BANK1: variants seen among roughly 807,000 people sequenced by gnomAD.
BANK1 encodes the protein B-cell scaffold protein with ankyrin repeats.
Under a neutral mutation model 94.5 loss-of-function variants are expected in BANK1, and 95 were observed. The observed-to-expected ratio is 1.00, with a 90% confidence interval of 0.85 to 1.19. The LOEUF is 1.19. BANK1 is among the 50% of genes most tolerant of loss of function. The probability of loss-of-function intolerance (pLI) is 0.00; values close to 1 mark genes in which losing one functional copy is unlikely to be tolerated. For missense variants in BANK1, 987 were observed against 932.2 expected (o/e 1.06, Z -0.77); for synonymous variants, 334 against 308.4 (o/e 1.08, Z -0.87).
chr4:101,843,392 G>A (rs1272691565), intron 2 of BANK1, among the ~76,000 whole-genome samples: 4 of 152,050 alleles, frequency 2.6e-5, no homozygotes, highest in African/African-American at 4.8e-5. Flanking sequence ...AATGCATTCA[G>A]GCACTTTCTT....
At chr4:101,852,270 T>C (rs559729014) in intron 2 of BANK1, among the ~76,000 whole-genome samples, 1 of 151,770 alleles carries the variant, frequency 6.6e-6, no homozygotes, top group East Asian at 1.9e-4. Context: ...TCTGCAATCT[T>C]CATCATTTCA....
At chr4:101,923,895 A>G (rs546401509) in intron 7 of BANK1, among the ~76,000 whole-genome samples, 2 of 151,950 alleles carry the variant, frequency 1.3e-5, no homozygotes, top group South Asian at 4.1e-4. Flanking sequence ...AACATTTGAT[A>G]TGGGATTTTG....
At chr4:102,063,825 A>C (rs964653518) in intron 13 of BANK1, among the ~76,000 whole-genome samples, 1 of 151,860 alleles carries the variant, frequency 6.6e-6, no homozygotes, top group African/African-American at 2.4e-5. Flanking sequence ...TCTCAAAAAA[A>C]AAAAAAAAAA....
chr4:101,848,615 T>C (rs1322225937), intron 2 of BANK1, among the ~76,000 whole-genome samples: 2 of 152,146 alleles, frequency 1.3e-5, no homozygotes, highest in Admixed American at 1.3e-4. Context: ...AGAAATACAA[T>C]CCAGTGTCAA....
intron 7 of BANK1, among the ~76,000 whole-genome samples, chr4:101,972,966 T>C (rs1725004987): frequency 6.6e-6 from 1 of 151,946 alleles, no homozygotes. Context: ...AGAATAGTGG[T>C]TATGCAGGAT....
At chr4:102,025,549 C>T in intron 9 of BANK1, 40 bp downstream of exon 9, 1 of 1,576,446 alleles carries the variant, frequency 6.3e-7, no homozygotes, top group Non-Finnish European at 8.7e-7. Flanking sequence ...AAAACAAAGA[C>T]AAATCTTTGA....
chr4:101,900,036 C>A (rs770457215), intron 6 of BANK1, among the ~76,000 whole-genome samples: 77 of 152,246 alleles, frequency 5.1e-4, no homozygotes, highest in Non-Finnish European at 9.1e-4. Flanking sequence ...AACACATATT[C>A]TGAAATAATA....
intron 7 of BANK1, among the ~76,000 whole-genome samples, chr4:101,973,004 G>A (rs991912911): frequency 6.6e-6 from 1 of 151,926 alleles, no homozygotes; most frequent in African/African-American, 2.4e-5. Context: ...GCAGCTGATG[G>A]TCACATGATG....
At chr4:101,922,055 T>TGTGTGTGTGTGTGTGTGA (rs1491163025) in intron 7 of BANK1, among the ~76,000 whole-genome samples, 1 of 144,260 alleles carries the variant, frequency 6.9e-6, no homozygotes, top group African/African-American at 2.5e-5. Flanking sequence ...TGTGTGTGTG[T>TGTGTGTGTGTGTGTGTGA]GAGACAGAGA....
At chr4:101,911,570 A>G (rs1722667338) in intron 6 of BANK1, among the ~76,000 whole-genome samples, 1 of 152,108 alleles carries the variant, frequency 6.6e-6, no homozygotes, top group South Asian at 2.1e-4. Flanking sequence ...CTCAGTAAAA[A>G]TTTATTATAT....
intron 7 of BANK1, among the ~76,000 whole-genome samples, chr4:101,951,708 T>TTATC (rs2148914872): frequency 6.6e-6 from 1 of 152,206 alleles, no homozygotes; most frequent in South Asian, 2.1e-4. Flanking sequence ...GTTTTTGCTC[T>TTATC]GATAAACCCA....
intron 9 of BANK1, among the ~76,000 whole-genome samples, chr4:102,029,680 A>G (rs1311015188): frequency 1.3e-5 from 2 of 151,520 alleles, no homozygotes; most frequent in Non-Finnish European, 2.9e-5. Flanking sequence ...AAAAAATTCC[A>G]TGTCTTAAGC....
chr4:101,955,243 A>G (rs192208604), intron 7 of BANK1, among the ~76,000 whole-genome samples: 2 of 152,302 alleles, frequency 1.3e-5, no homozygotes, highest in East Asian at 1.9e-4. Flanking sequence ...ATGGGAATAT[A>G]TATCTTTCTG....
chr4:101,852,818 T>C (rs762358439), intron 2 of BANK1, among the ~76,000 whole-genome samples: 23 of 152,074 alleles, frequency 1.5e-4, no homozygotes, highest in Non-Finnish European at 3.4e-4. Flanking sequence ...AGATAAATCT[T>C]TTTGTACATT....
chr4:102,015,800 T>C (rs904852951), intron 7 of BANK1, among the ~76,000 whole-genome samples: 1 of 152,160 alleles, frequency 6.6e-6, no homozygotes, highest in Non-Finnish European at 1.5e-5. Context: ...CCACTAATCC[T>C]CATTACCCTT....
intron 6 of BANK1, among the ~76,000 whole-genome samples, chr4:101,903,689 C>T (rs895527674): frequency 1.3e-5 from 2 of 152,192 alleles, no homozygotes; most frequent in Admixed American, 6.5e-5. Flanking sequence ...AAACAGATTA[C>T]TCATGGCATA....
chr4:102,034,197 T>G (rs1727420364), intron 10 of BANK1, among the ~76,000 whole-genome samples: 1 of 152,100 alleles, frequency 6.6e-6, no homozygotes, highest in African/African-American at 2.4e-5. Context: ...ATAGCCAGAA[T>G]GGAAAGATTG....
At chr4:102,010,159 G>T (rs1440162859) in intron 7 of BANK1, among the ~76,000 whole-genome samples, 2 of 151,736 alleles carry the variant, frequency 1.3e-5, no homozygotes, top group Non-Finnish European at 2.9e-5. Flanking sequence ...CAGCTACTCG[G>T]GAGGCTGAGG....
intron 7 of BANK1, among the ~76,000 whole-genome samples, chr4:102,009,478 G>A (rs2148940942): frequency 6.6e-6 from 1 of 152,294 alleles, no homozygotes; most frequent in East Asian, 1.9e-4. Flanking sequence ...CTGCCACCCT[G>A]AGGCTTGCAC....
Sources: gnomAD v4.1 joint callset for allele counts (sites outside exome capture counted in the v4.1 genomes callset) on GRCh38, gnomAD v4.1.1 for gene constraint, MANE v1.5 for transcripts, NCBI Gene and HGNC (gene_info 2026-07-23, HGNC 2026-07-21) for gene names.